Variants in FCER1A observed in about 807,000 individuals in gnomAD.
The protein encoded by FCER1A is Fc epsilon receptor Ia, also known as high affinity immunoglobulin epsilon receptor subunit alpha.
In FCER1A, 24 loss-of-function variants were observed where a neutral mutation model predicts 23.6. The ratio of observed to expected loss-of-function variants is 1.02; its 90% confidence interval spans 0.74 to 1.43. The LOEUF is 1.43. FCER1A is among the 40% of genes most tolerant of loss of function. The pLI, the probability that FCER1A is intolerant of heterozygous loss-of-function variation, is 0.00. For missense variants in FCER1A, 318 were observed against 294.5 expected, an observed-to-expected ratio of 1.08 and a Z score of -0.58; for synonymous variants, 121 against 108.8, an observed-to-expected ratio of 1.11 and a Z score of -0.70.
chr1:159,299,623 G>A (rs1652377646), upstream of FCER1A, among the ~76,000 whole-genome samples: 1 of 152,154 alleles, frequency 6.6e-6, no homozygotes, highest in Non-Finnish European at 1.5e-5. Context: ...GAGCATTCCT[G>A]TACCCAGAAT....
At chr1:159,300,303 T>C (rs919215171), upstream of FCER1A, among the ~76,000 whole-genome samples, 2 of 152,142 alleles carry the variant, frequency 1.3e-5, no homozygotes, top group African/African-American at 2.4e-5. Flanking sequence ...ATTTGAGTCA[T>C]GGTAAAATGA....
upstream of FCER1A, among the ~76,000 whole-genome samples, chr1:159,288,637 T>C (rs1652075839): frequency 6.6e-6 from 1 of 152,228 alleles, no homozygotes; most frequent in Non-Finnish European, 1.5e-5. Flanking sequence ...TTAACCTAAA[T>C]ATTTTAACCA....
At chr1:159,302,895 C>T (rs1652479138) in intron 2 of FCER1A, 21 bp downstream of exon 2, 1 of 1,611,542 alleles carries the variant, frequency 6.2e-7, no homozygotes, top group African/African-American at 1.3e-5. Flanking sequence ...TGTTCTTGTT[C>T]CCTTGGTGTT....
At chr1:159,289,459 T>C (rs1652093985), upstream of FCER1A, among the ~76,000 whole-genome samples, 1 of 152,202 alleles carries the variant, frequency 6.6e-6, no homozygotes, top group Non-Finnish European at 1.5e-5. Context: ...TACACACAAC[T>C]GTGTTGAAAG....
In FCER1A at chr1:159,290,307, G is replaced by A. The variant is rs537203131; in HGVS notation, c.-60+554G>A. 4.6e-5 allele frequency among the ~76,000 whole-genome samples: 7 copies of A among 152,210 alleles called. No homozygotes were observed. In the East Asian group the frequency reaches 1.2e-3, roughly 25 times the overall value. On this transcript the variant is annotated intron_variant, in intron 1 of 5. Transcript: ENST00000368115. The stretch of plus-strand genomic sequence containing the variant: ...GCCCACCTAACTCAGGGGTACTTAA[G>A]TAGGTGCCACACAATGGAGGCTAAC...
chr1:159,289,782 T>C (rs1159782087), intron 1 of FCER1A: 1 of 152,100 alleles, frequency 6.6e-6, no homozygotes, highest in Non-Finnish European at 1.5e-5. Context: ...TGGCTTGTTA[T>C]GTGTTGGGAG....
At chr1:159,287,854 A>T (rs1652056575), upstream of FCER1A, among the ~76,000 whole-genome samples, 1 of 151,252 alleles carries the variant, frequency 6.6e-6, no homozygotes, top group Non-Finnish European at 1.5e-5. Context: ...TTAGGTTGTA[A>T]CATCTTGATA....
chr1:159,301,333 G>C (rs926048207), upstream of FCER1A, among the ~76,000 whole-genome samples: 3 of 152,108 alleles, frequency 2.0e-5, no homozygotes, highest in East Asian at 5.8e-4. Flanking sequence ...ATCAGATCCT[G>C]GAAGAAGGTT....
chr1:159,308,093 A>G lies in FCER1A; in HGVS notation c.*161A>G. ...GAGTGAAACTGGTTAAGTGGCATGTAATAGTAAGTGCTCAATTAACATTGG... is the reference window on the plus strand; with the variant it reads ...GAGTGAAACTGGTTAAGTGGCATGTGATAGTAAGTGCTCAATTAACATTGG... On this transcript the variant is annotated 3_prime_UTR_variant, in exon 5 of 5. Transcript: ENST00000693622. 1 of 501,426 alleles carries G rather than the reference A, an allele frequency of 2.0e-6. No individual in the cohort carries two copies. Among genetic ancestry groups the G allele is most frequent in the Non-Finnish European group, 3.5e-6 (1 of 282,882 alleles). The allele number at this position is 501,426 out of a possible 1,614,324, so 31.1% of individuals were successfully genotyped here.
Position 159,302,338 on chromosome 1 carries a change from A to G in FCER1A, c.-27A>G. ...TTGAAGCCTTAGATCTCTCCAGCAC[A>G]GTAAGCACCAGGAGTCCATGAAGAA... On this transcript the variant is annotated 5_prime_UTR_variant, in exon 1 of 5. Transcript: ENST00000693622. 1 of 1,552,170 alleles carries G rather than the reference A, an allele frequency of 6.4e-7. No individual in the cohort carries two copies. Among genetic ancestry groups the G allele is most frequent in the Non-Finnish European group, 8.9e-7 (1 of 1,123,556 alleles).
At chr1:159,302,088 AG>A (rs1557969066), upstream of FCER1A, among the ~76,000 whole-genome samples, 1 of 152,178 alleles carries the variant, frequency 6.6e-6, no homozygotes, top group Non-Finnish European at 1.5e-5. Flanking sequence ...AGATTAAGAA[AG>A]GCTTGTGATT....
intron 1 of FCER1A, among the ~76,000 whole-genome samples, chr1:159,296,611 T>G (rs1652298613): frequency 6.6e-6 from 1 of 152,222 alleles, no homozygotes; most frequent in African/African-American, 2.4e-5. Context: ...CAGTCGTGTT[T>G]AAGGCTCAGA....
At chr1:159,291,209 T>TATCTTGAG (rs1485685927) in intron 1 of FCER1A, among the ~76,000 whole-genome samples, 3 of 152,174 alleles carry the variant, frequency 2.0e-5, no homozygotes, top group Admixed American at 6.6e-5. Context: ...ACCACAAGTG[T>TATCTTGAG]ATCTTGAGCA....
intron 1 of FCER1A, among the ~76,000 whole-genome samples, chr1:159,295,578 T>C (rs1652276504): frequency 6.6e-6 from 1 of 152,336 alleles, no homozygotes; most frequent in African/African-American, 2.4e-5. Context: ...TCACTGAATC[T>C]ATTTCTAATA....
In FCER1A at chr1:159,304,005, A is replaced by C. The variant is rs1427765267; in HGVS notation, c.154A>C (p.Asn52His). The C allele has an allele frequency of 6.2e-7, 1 of 1,613,566 alleles. No homozygotes were observed. Among genetic ancestry groups the C allele is most frequent in the Non-Finnish European group, 8.5e-7 (1 of 1,179,450 alleles). ...FKGENVTLTC[N>H]GNNFFEVSST... ...AGGAGAGAATGTGACTCTTACATGT[A>C]ATGGGAACAATTTCTTTGAAGTCAG... is the stretch of plus-strand genomic sequence containing the variant. Residue 52 changes from asparagine (N) to histidine (H), a missense_variant, in exon 3 of 5, where the codon AAT (asparagine) becomes CAT (histidine). By Grantham distance (68) the Asn-to-His change is moderately conservative (BLOSUM62 1). Coordinates refer to ENST00000693622, the MANE Select transcript of FCER1A (RefSeq NM_001387280.1).
At chr1:159,289,429 A>G (rs1245485963), upstream of FCER1A, among the ~76,000 whole-genome samples, 4 of 152,356 alleles carry the variant, frequency 2.6e-5, no homozygotes, top group East Asian at 7.7e-4. Flanking sequence ...GCACACTTGT[A>G]GTACAATCTT....
chr1:159,290,218 C>A (rs1437863710), intron 1 of FCER1A, among the ~76,000 whole-genome samples: 1 of 152,100 alleles, frequency 6.6e-6, no homozygotes, highest in East Asian at 1.9e-4. Context: ...TTCCCCTCAC[C>A]CAGAGAGTGT....
chr1:159,305,472 G>C (rs1436421601), intron 3 of FCER1A, among the ~76,000 whole-genome samples: 1 of 152,056 alleles, frequency 6.6e-6, no homozygotes, highest in East Asian at 1.9e-4. Context: ...CTGACTTCTT[G>C]GAGCACAGAG....
At chr1:159,306,385 G>A (rs1652616765) in intron 4 of FCER1A, 140 bp downstream of exon 4, 2 of 708,450 alleles carry the variant, frequency 2.8e-6, no homozygotes, top group African/African-American at 1.8e-5. Context: ...GAGGAGACCT[G>A]GGTGATAGTA....
Sources: allele counts gnomAD v4.1 joint callset (sites outside exome capture counted in the v4.1 genomes callset), GRCh38; gene constraint gnomAD v4.1.1; transcripts MANE v1.5; gene names NCBI Gene and HGNC (gene_info 2026-07-23, HGNC 2026-07-21).